Variants in TRRAP observed in about 807,000 individuals in gnomAD.
The protein encoded by TRRAP is transformation/transcription domain associated protein.
A neutral mutation model predicts 438.8 loss-of-function variants in TRRAP; 41 were observed. The ratio of observed to expected loss-of-function variants is 0.09; its 90% CI spans 0.07 to 0.12. TRRAP has a LOEUF of 0.12. TRRAP is among the 10% of genes least tolerant of loss of function. The pLI, the probability that TRRAP is intolerant of heterozygous loss-of-function variation, is 1.00. For synonymous variants in TRRAP, 1,994 were observed against 1,962.9 expected, an observed-to-expected ratio of 1.02 and a Z score of -0.42; for missense variants, 3,122 against 5,055.1, an observed-to-expected ratio of 0.62 and a Z score of 11.60.
intron 3 of TRRAP, among the ~76,000 whole-genome samples, chr7:98,885,842 T>C (rs1795673313): frequency 6.6e-6 from 1 of 152,198 alleles, no homozygotes; most frequent in Non-Finnish European, 1.5e-5. Flanking sequence ...GGGCACCAAG[T>C]GTGGACATAC....
In TRRAP at chr7:98,970,279, G is replaced by A. The variant is rs1319602782; in HGVS notation, c.7680G>A (p.Glu2560=). The A allele has an allele frequency of 5.0e-6, 8 of 1,612,246 alleles. No individual in the cohort carries two copies. The South Asian group carries it at 7.7e-5, about 15-fold the overall frequency. Reference sequence around the variant, plus strand: ...AGCCCCGGGAGCGGGAGAACAGCGAGTCCAAAGAGGAGGTGAGGCCCTGCA... The same window carrying A: ...AGCCCCGGGAGCGGGAGAACAGCGAATCCAAAGAGGAGGTGAGGCCCTGCA... The part of the protein sequence containing the change: ...KQEPRERENS[E]SKEEDVEIDI... Residue 2560 remains glutamate, a synonymous_variant, in exon 52 of 73, where the codon GAG becomes GAA. Transcript: ENST00000456197.
intron 70 of TRRAP, among the ~76,000 whole-genome samples, chr7:99,008,888 G>A (rs930811912): frequency 1.3e-5 from 2 of 152,206 alleles, no homozygotes; most frequent in African/African-American, 4.8e-5. Context: ...TCACTTGACA[G>A]CCACACCTGA....
chr7:98,912,671 G>A (rs1554408960), intron 18 of TRRAP, among the ~76,000 whole-genome samples: 1 of 151,808 alleles, frequency 6.6e-6, no homozygotes, highest in African/African-American at 2.4e-5. Flanking sequence ...AGGAGCAGAT[G>A]GTTCTATTTT....
At chr7:98,916,893 G>A (rs1207384084) in intron 19 of TRRAP, among the ~76,000 whole-genome samples, 3 of 152,040 alleles carry the variant, frequency 2.0e-5, no homozygotes, top group Non-Finnish European at 4.4e-5. Context: ...CTGCCTTCCT[G>A]TGCCGTGCAG....
chr7:98,962,396 G>T lies in TRRAP; in HGVS notation c.6798G>T (p.Lys2266Asn), dbSNP rs568650157. The T allele has an allele frequency of 6.2e-7, 1 of 1,614,224 alleles. No homozygotes were observed. Among genetic ancestry groups the T allele is most frequent in the Non-Finnish European group, 8.5e-7 (1 of 1,180,036 alleles). ...ATGAAGGGCTCACCAACTACGAGAAGGCCACCAATGCCAATCCCTCCCAGC... is the reference window on the plus strand; with the variant it reads ...ATGAAGGGCTCACCAACTACGAGAATGCCACCAATGCCAATCCCTCCCAGC... ...VIYEGLTNYEKATNANPSQLF... is the reference protein window; with the variant it reads ...VIYEGLTNYENATNANPSQLF... Residue 2266 changes from lysine to asparagine, a missense_variant, in exon 47 of 73, where the codon AAG becomes AAT. Physicochemically the swap from Lys to Asn is moderately conservative, Grantham distance 94 (BLOSUM62 0). This residue lies in a region of TRRAP where 992 missense variants were observed against 1,281.2 expected (regional missense o/e 0.77). Coordinates refer to ENST00000456197, the MANE Select transcript of TRRAP (RefSeq NM_001375524.1).
rs1316946076 is a variant in TRRAP, at chr7:98,940,017, G to A, written c.4404+2197G>A. On this transcript the variant is annotated intron_variant, in intron 30 of 72. Transcript: ENST00000456197. ...CTGCCTCAGCCTCCCAAGTAACTGG[G>A]ATTACAGGTGTCTGCCACCACACCC... Among the ~76,000 whole-genome samples the A allele has an allele frequency of 2.7e-4, 41 of 152,060 alleles. 1 individual carries two copies.
intron 67 of TRRAP, chr7:98,999,236 G>A: frequency 8.4e-7 from 1 of 1,189,370 alleles, no homozygotes; most frequent in Non-Finnish European, 1.3e-6. Flanking sequence ...AGAAGTACAT[G>A]CATTCACTGC....
rs373713174 is a variant in TRRAP at position 98,927,219 on chromosome 7, C to G, written c.3028C>G (p.Gln1010Glu). The part of the protein sequence containing the change: ...NVIISHRYKA[Q>E]DTPARKTFEQ... Reference sequence around the variant, plus strand: ...TATCATCTCACATCGCTACAAAGCCCAGGACACTCCAGCCCGGAAGACTTT... The same window carrying G: ...TATCATCTCACATCGCTACAAAGCCGAGGACACTCCAGCCCGGAAGACTTT... Residue 1010 changes from glutamine to glutamate, a missense_variant, in exon 23 of 73, where the codon CAG (glutamine) becomes GAG (glutamate). Gln to Glu is a conservative substitution (Grantham distance 29). Around this residue, in one of 24 missense-constraint regions of TRRAP, gnomAD observed 133 missense variants for 188.6 expected, o/e 0.71. Coordinates refer to ENST00000456197, the MANE Select transcript of TRRAP (RefSeq NM_001375524.1). 8 of 1,614,200 alleles carry G rather than the reference C, an allele frequency of 5.0e-6. No homozygotes were observed. In the African/African-American group the frequency reaches 1.1e-4, roughly 22 times the overall value.
Position 98,965,745 on chromosome 7 carries a change from G to A in TRRAP, c.7026G>A (p.Leu2342=). 1 of 1,614,152 alleles carries A rather than the reference G, an allele frequency of 6.2e-7. No homozygotes were observed. The highest frequency in any genetic ancestry group is 1.3e-5 in the African/African-American group (1 of 75,022). ...MLSLELVKTR[L]AVMSMEMRKN... ...GTCTGGAGCTGGTGAAGACGCGCCT[G>A]GCAGTGATGAGCATGGAGATGCGGA... The change falls in exon 49 of 73, where the codon CTG becomes CTA. Residue 2342 remains leucine (L), a synonymous_variant. Transcript: ENST00000456197.
chr7:98,918,217 G>A (rs920940245), intron 20 of TRRAP, among the ~76,000 whole-genome samples: 7 of 145,362 alleles, frequency 4.8e-5, no homozygotes, highest in Middle Eastern at 3.5e-3. Context: ...GCCTTCACGA[G>A]GGTTATATTC....
intron 21 of TRRAP, 108 bp from the exon 22 acceptor site, chr7:98,925,004 C>CAAA: frequency 1.6e-5 from 18 of 1,109,902 alleles, no homozygotes; most frequent in South Asian, 3.6e-5. Context: ...GACTCCGTCT[C>CAAA]AAAAAAAAAA....
intron 70 of TRRAP, among the ~76,000 whole-genome samples, chr7:99,009,211 G>T (rs1458802138): frequency 1.3e-5 from 2 of 152,124 alleles, no homozygotes; most frequent in Non-Finnish European, 2.9e-5. Flanking sequence ...GAGATTTTTG[G>T]GGGATTGTGT....
chr7:98,917,387 G>T (rs564614069), intron 19 of TRRAP, 36 bp from the exon 20 acceptor site: 1 of 1,603,030 alleles, frequency 6.2e-7, no homozygotes. Context: ...TCTGGGGAGC[G>T]TCTTCCCTCT....
chr7:98,930,484 A>T, intron 24 of TRRAP, 149 bp from the exon 25 acceptor site: 1 of 1,098,288 alleles, frequency 9.1e-7, no homozygotes, highest in Non-Finnish European at 1.3e-6. Context: ...AGGCTAAGGC[A>T]GGAGAATCAC....
At chr7:98,958,647 A>G (rs1166533524) in intron 44 of TRRAP, among the ~76,000 whole-genome samples, 2 of 152,202 alleles carry the variant, frequency 1.3e-5, no homozygotes, top group African/African-American at 2.4e-5. Flanking sequence ...TGGTAATAAA[A>G]TAATGATGTG....
chr7:98,997,091 A>G (rs1793697361), intron 67 of TRRAP, among the ~76,000 whole-genome samples: 1 of 152,066 alleles, frequency 6.6e-6, no homozygotes, highest in Admixed American at 6.6e-5. Context: ...GGGTCACTTG[A>G]GGTCAGGAGT....
intron 12 of TRRAP, among the ~76,000 whole-genome samples, chr7:98,904,484 A>C (rs1262015225): frequency 6.3e-5 from 6 of 95,358 alleles, no homozygotes; most frequent in African/African-American, 4.0e-4. Context: ...ACTCTGTCTC[A>C]AAAAAAAAAA....
chr7:98,946,590 T>G (rs1338408897), intron 33 of TRRAP, among the ~76,000 whole-genome samples: 6 of 145,434 alleles, frequency 4.1e-5, no homozygotes, highest in African/African-American at 1.5e-4. Flanking sequence ...ACACCACATA[T>G]GCACACAACA....
chr7:98,930,905 C>G, intron 25 of TRRAP, 75 bp downstream of exon 25: 1 of 1,566,838 alleles, frequency 6.4e-7, no homozygotes, highest in Non-Finnish European at 8.7e-7. Context: ...CTATAAGATC[C>G]TTCTGCAAAT....
Sources: allele counts gnomAD v4.1 joint callset (sites outside exome capture counted in the v4.1 genomes callset), GRCh38; gene constraint gnomAD v4.1.1; regional missense constraint gnomAD v4.1.1; transcripts MANE v1.5; gene names NCBI Gene and HGNC (gene_info 2026-07-23, HGNC 2026-07-21).